Variants in DLG1 observed in about 807,000 individuals in gnomAD.
DLG1 encodes the protein discs large MAGUK scaffold protein 1.
A neutral mutation model predicts 123.4 loss-of-function variants in DLG1; 42 were observed. That is an observed-to-expected ratio of 0.34 (90% CI 0.27 to 0.44). DLG1 has a LOEUF of 0.44. Ranked by LOEUF, DLG1 falls within the 20% of genes least tolerant of loss-of-function variation. DLG1 has a pLI of 1.00. For synonymous variants in DLG1, 317 were observed against 356.2 expected (o/e 0.89, Z 1.24); for missense variants, 942 against 1,082.6 (o/e 0.87, Z 1.82).
chr3:197,210,637 A>G (rs975169911), intron 4 of DLG1, among the ~76,000 whole-genome samples: 12 of 143,146 alleles, frequency 8.4e-5, no homozygotes, highest in African/African-American at 2.7e-4. Flanking sequence ...ATATATATAT[A>G]TAAGTCTTTA....
chr3:197,287,077 C>A (rs970088249), intron 3 of DLG1, among the ~76,000 whole-genome samples: 1 of 151,634 alleles, frequency 6.6e-6, no homozygotes, highest in African/African-American at 2.4e-5. Flanking sequence ...TACTATGTTG[C>A]CCAGGCTGGT....
intron 6 of DLG1, 50 bp downstream of exon 6, chr3:197,149,693 G>A (rs779707139): frequency 4.2e-6 from 5 of 1,181,264 alleles, no homozygotes; most frequent in Admixed American, 3.5e-5. Context: ...ATCAAAAAAC[G>A]GAACAGGAAA....
chr3:197,271,287 T>G (rs183242810), intron 4 of DLG1, among the ~76,000 whole-genome samples: 2 of 152,232 alleles, frequency 1.3e-5, no homozygotes, highest in Non-Finnish European at 2.9e-5. Context: ...TAGAAGCCAG[T>G]AGATAAATTC....
chr3:197,296,238 C>A, intron 3 of DLG1, 108 bp downstream of exon 3: 1 of 1,092,288 alleles, frequency 9.2e-7, no homozygotes, highest in South Asian at 1.8e-5. Flanking sequence ...TTCAAGTTAC[C>A]GAATGCCTCA....
chr3:197,297,742 A>G, intron 1 of DLG1: 1 of 986,022 alleles, frequency 1.0e-6, no homozygotes. Context: ...GCTCTCCGCG[A>G]CGCCCTCGCG....
rs148702184 is a variant in DLG1 at position 197,050,315 on chromosome 3, C to T, written c.2575+1262G>A. On this transcript the variant is annotated intron_variant, in intron 24 of 24. Transcript: ENST00000667157. ...ACGGAAGGCGGAGGTTGCAGTGAGCCGAGATTGCGCCACTGCACTCCAGCC... is the reference window on the plus strand; with the variant it reads ...ACGGAAGGCGGAGGTTGCAGTGAGCTGAGATTGCGCCACTGCACTCCAGCC... Among the ~76,000 whole-genome samples the T allele has an allele frequency of 2.8e-3, 430 of 151,174 alleles. 4 individuals are homozygous for T. Among genetic ancestry groups the T allele is most frequent in the African/African-American group, 9.8e-3 (404 of 41,198 alleles).
chr3:197,292,051 CATT>C (rs1419662614), intron 3 of DLG1, among the ~76,000 whole-genome samples: 1 of 152,162 alleles, frequency 6.6e-6, no homozygotes. Flanking sequence ...CTATGGAAAA[CATT>C]ATGGTGGGCC....
intron 13 of DLG1, among the ~76,000 whole-genome samples, chr3:197,108,061 CTGAGA>C (rs1210448753): frequency 6.6e-6 from 1 of 152,114 alleles, no homozygotes; most frequent in African/African-American, 2.4e-5. Context: ...TCTGTGTCTA[CTGAGA>C]TATCATGTGC....
At chr3:197,177,741 T>G (rs976916076) in intron 5 of DLG1, among the ~76,000 whole-genome samples, 1 of 152,176 alleles carries the variant, frequency 6.6e-6, no homozygotes, top group Non-Finnish European at 1.5e-5. Context: ...AGTATCCTAG[T>G]TTGGTCTGAG....
intron 11 of DLG1, 148 bp downstream of exon 11, chr3:197,130,379 T>A: frequency 1.4e-6 from 1 of 696,710 alleles, no homozygotes; most frequent in Non-Finnish European, 2.0e-6. Context: ...AAGTAGATTT[T>A]AAAAAATGAG....
chr3:197,151,526 G>A (rs1416579065), intron 5 of DLG1, among the ~76,000 whole-genome samples: 1 of 152,186 alleles, frequency 6.6e-6, no homozygotes, highest in East Asian at 1.9e-4. Flanking sequence ...AAGGTTGGGA[G>A]TAGGAGGGGT....
At chr3:197,093,020 G>A (rs1011743867) in intron 14 of DLG1, among the ~76,000 whole-genome samples, 2 of 151,902 alleles carry the variant, frequency 1.3e-5, no homozygotes, top group Non-Finnish European at 2.9e-5. Flanking sequence ...ATCCTATTCT[G>A]TCCTGATCCT....
At chr3:197,050,257 C>T (rs1331550462) in intron 24 of DLG1, among the ~76,000 whole-genome samples, 5 of 151,980 alleles carry the variant, frequency 3.3e-5, no homozygotes, top group African/African-American at 1.2e-4. Flanking sequence ...GTCCCAGCTA[C>T]TCGGGAGGCT....
At position 197,076,624 on chromosome 3, in the gene DLG1, T is replaced by C. The variant is rs780116169; in HGVS notation, c.1967A>G (p.Asn656Ser). 1 of 1,613,062 alleles carries C rather than the reference T, an allele frequency of 6.2e-7. No homozygotes were observed. Among genetic ancestry groups the C allele is most frequent in the Non-Finnish European group, 8.5e-7 (1 of 1,179,270 alleles). ...LFSRKFPFYK[N>S]KDQSEQETSD... ...TGTTTCCTGCTCACTCTGGTCCTTG[T>C]TCTTGTAGAAGGGGAATTTTCGGGA... is the stretch of plus-strand genomic sequence containing the variant. Residue 656 changes from asparagine to serine, a missense_variant, in exon 18 of 25, where the codon AAC (asparagine) becomes AGC (serine). Transcript: ENST00000667157.
intron 6 of DLG1, among the ~76,000 whole-genome samples, chr3:197,147,445 CA>C (rs1791457506): frequency 1.4e-5 from 2 of 145,132 alleles, no homozygotes; most frequent in Non-Finnish European, 3.0e-5. Flanking sequence ...CACACACACA[CA>C]CACACACACA....
At chr3:197,209,167 G>A (rs561525287) in intron 4 of DLG1, among the ~76,000 whole-genome samples, 4 of 145,890 alleles carry the variant, frequency 2.7e-5, no homozygotes, top group African/African-American at 7.3e-5. Context: ...GATATACTTC[G>A]TAAAAAAAGG....
At chr3:197,198,779 C>T (rs1229976991) in intron 4 of DLG1, among the ~76,000 whole-genome samples, 4 of 152,048 alleles carry the variant, frequency 2.6e-5, no homozygotes, top group African/African-American at 7.2e-5. Context: ...CTGATAGGTG[C>T]GGTCAAGAAT....
rs1466265517 is a variant in DLG1 at position 197,085,759 on chromosome 3, A to G, written c.1662-3T>C. On this transcript the variant is annotated splice_polypyrimidine_tract_variant and splice_region_variant and intron_variant, in intron 15 of 24. Coordinates refer to ENST00000667157, the MANE Select transcript of DLG1 (RefSeq NM_001366207.1). ...TCTTGTCATAATCAAAAAGGGCTCT[A>G]GAGTCAGAAGAAAAAAAGTCCATAA... is the stretch of plus-strand genomic sequence containing the variant. The G allele has an allele frequency of 1.9e-6, 3 of 1,607,158 alleles. No homozygotes were observed. In the African/African-American group the frequency reaches 4.0e-5, roughly 22 times the overall value.
intron 13 of DLG1, among the ~76,000 whole-genome samples, chr3:197,106,248 A>C (rs1190848790): frequency 1.3e-5 from 2 of 152,160 alleles, no homozygotes; most frequent in African/African-American, 4.8e-5. Flanking sequence ...TCTACTAAAA[A>C]TACAAAAATT....
Sources: allele counts gnomAD v4.1 joint callset (sites outside exome capture counted in the v4.1 genomes callset), GRCh38; gene constraint gnomAD v4.1.1; transcripts MANE v1.5; gene names NCBI Gene and HGNC (gene_info 2026-07-23, HGNC 2026-07-21).